The following NSG2 variants were observed in gnomAD, a reference collection of about 807,000 sequenced individuals.
NSG2 encodes the protein neuronal vesicle trafficking associated 2, also known as neuronal vesicle trafficking-associated protein 2.
Under a neutral mutation model 16.9 loss-of-function variants are expected in NSG2, and 4 were observed. The ratio of observed to expected loss-of-function variants is 0.24; its 90% confidence interval spans 0.12 to 0.54. The LOEUF is 0.54. Among genes scored for constraint, NSG2 ranks in the 20% least tolerant of loss-of-function variants. The pLI, the probability that NSG2 is intolerant of heterozygous loss-of-function variation, is 0.95. For missense variants in NSG2, 179 were observed against 221.1 expected, an observed-to-expected ratio of 0.81 and a Z score of 1.21; for synonymous variants, 98 against 88.7, an observed-to-expected ratio of 1.11 and a Z score of -0.59.
At chr5:174,078,969 A>G (rs1760398168) in intron 3 of NSG2, among the ~76,000 whole-genome samples, 1 of 152,104 alleles carries the variant, frequency 6.6e-6, no homozygotes, top group Non-Finnish European at 1.5e-5. Flanking sequence ...GCACACGCAC[A>G]CCCCTTTCAT....
Position 174,072,934 on chromosome 5 carries a change from G to A in NSG2, c.213+8619G>A, listed in dbSNP as rs1299633090. Among the ~76,000 whole-genome samples the A allele has an allele frequency of 1.3e-5, 2 of 152,124 alleles. No homozygotes were observed. Among genetic ancestry groups the A allele is most frequent in the Admixed American group, 6.6e-5 (1 of 15,266 alleles). On this transcript the variant is annotated intron_variant, in intron 3 of 4. Coordinates refer to ENST00000303177, the MANE Select transcript of NSG2 (RefSeq NM_015980.5). The surrounding 1 kb of genome is among the most constrained non-coding windows in gnomAD (Gnocchi z 4.0). Reference sequence around the variant, plus strand: ...TGGGAGGTTGAGGCTGCAGTGAGCCGGATTGTGCCACTGCACTCCAACCTG... The same window carrying A: ...TGGGAGGTTGAGGCTGCAGTGAGCCAGATTGTGCCACTGCACTCCAACCTG...
intron 1 of NSG2, 126 bp from the exon 2 acceptor site, chr5:174,046,608 A>G (rs1759803684): frequency 2.7e-6 from 2 of 741,834 alleles, no homozygotes; most frequent in Admixed American, 2.9e-5. Flanking sequence ...TGGAAGATCA[A>G]TGACTGATCA....
intron 3 of NSG2, among the ~76,000 whole-genome samples, chr5:174,096,032 T>G (rs1178273894): frequency 3.9e-5 from 6 of 152,170 alleles, no homozygotes; most frequent in African/African-American, 1.4e-4. Flanking sequence ...CTTGAGAAAA[T>G]TATGCAACCT....
In NSG2 at chr5:174,060,536, G is replaced by T. The variant is rs117269282; in HGVS notation, c.130-3696G>T. ...TGGGAAGGTGGACTAGTTTTCAATT[G>T]CTGTGTGACAAATTACCAAAAATTA... On this transcript the variant is annotated intron_variant, in intron 2 of 4. Coordinates refer to ENST00000303177, the MANE Select transcript of NSG2 (RefSeq NM_015980.5). Among the ~76,000 whole-genome samples, 1,390 of 152,246 alleles carry T rather than the reference G, an allele frequency of 9.1e-3. 15 individuals are homozygous for T. Among genetic ancestry groups the T allele is most frequent in the East Asian group, 0.062 (321 of 5,186 alleles).
intron 3 of NSG2, among the ~76,000 whole-genome samples, chr5:174,102,590 TAACC>T (rs66663259): frequency 0.11 from 16,470 of 151,960 alleles, 1,120 homozygotes; most frequent in African/African-American, 0.19. Flanking sequence ...CCTCTGAAGT[TAACC>T]AATTACTGGT....
intron 2 of NSG2, among the ~76,000 whole-genome samples, chr5:174,057,457 A>G (rs1030048632): frequency 9.2e-5 from 14 of 151,628 alleles, no homozygotes; most frequent in South Asian, 4.2e-4. Context: ...TGGAAGGGAA[A>G]TGTTTCTGGC....
At chr5:174,082,337 T>C (rs1471411543) in intron 3 of NSG2, 2 of 152,232 alleles carry the variant, frequency 1.3e-5, no homozygotes. Flanking sequence ...AGCTTCTGTT[T>C]ATGTGAATTT....
At chr5:174,070,198 T>A (rs1041642103) in intron 3 of NSG2, among the ~76,000 whole-genome samples, 5 of 152,128 alleles carry the variant, frequency 3.3e-5, no homozygotes, top group Non-Finnish European at 5.9e-5. Context: ...GGTCATTTTT[T>A]TCGTGGGCTA....
In NSG2 at chr5:174,086,251, T is replaced by C. The variant is rs571711556; in HGVS notation, c.214-17977T>C. On this transcript the variant is annotated intron_variant, in intron 3 of 4. Coordinates refer to ENST00000303177, the MANE Select transcript of NSG2 (RefSeq NM_015980.5). ...AACTGACCCCGGGCCAATCACTTTC[T>C]GGAAACTTATTTCCTCTAAAATAGG... 4 of 152,304 alleles carry C rather than the reference T, an allele frequency of 2.6e-5. No individual in the cohort carries two copies. The South Asian group carries it at 8.3e-4, about 32-fold the overall frequency. The allele number at this position is 152,304 out of a possible 1,614,324, so 9.4% of individuals were successfully genotyped here. A position where few individuals can be genotyped will look rare whatever the true frequency, so the allele number is the denominator to read the frequency against.
At chr5:174,090,395 A>G (rs1760703387) in intron 3 of NSG2, among the ~76,000 whole-genome samples, 1 of 152,158 alleles carries the variant, frequency 6.6e-6, no homozygotes, top group Non-Finnish European at 1.5e-5. Context: ...GACTGTCTCC[A>G]GGGTTTTCAC....
At chr5:174,095,345 C>T (rs1010194005) in intron 3 of NSG2, among the ~76,000 whole-genome samples, 1 of 152,178 alleles carries the variant, frequency 6.6e-6, no homozygotes, top group Non-Finnish European at 1.5e-5. Flanking sequence ...TTCAGGGTGT[C>T]AGACATCCAC....
intron 3 of NSG2, among the ~76,000 whole-genome samples, chr5:174,090,560 C>T (rs1760705752): frequency 6.6e-6 from 1 of 152,194 alleles, no homozygotes; most frequent in African/African-American, 2.4e-5. Flanking sequence ...AATCCAGCTT[C>T]CCAGACACCA....
intron 4 of NSG2, among the ~76,000 whole-genome samples, chr5:174,106,583 CTT>C (rs752375646): frequency 4.2e-3 from 395 of 93,176 alleles, no homozygotes; most frequent in African/African-American, 0.016. Context: ...GGAATGAAGC[CTT>C]TTTTTTTTTT....
At chr5:174,091,646 TGTGTGTG>T (rs1195603498) in intron 3 of NSG2, among the ~76,000 whole-genome samples, 3 of 9,032 alleles carry the variant, frequency 3.3e-4, no homozygotes, top group African/African-American at 6.8e-4. Context: ...CTAGGACTGG[TGTGTGTG>T]TGTGTGTGTG....
intron 4 of NSG2, among the ~76,000 whole-genome samples, chr5:174,105,566 G>T (rs1360878415): frequency 1.3e-5 from 2 of 152,176 alleles, no homozygotes; most frequent in Non-Finnish European, 2.9e-5. Context: ...CGAACGTGGA[G>T]GTTTCTCCGC....
chr5:174,089,276 A>C (rs1390405442), intron 3 of NSG2, among the ~76,000 whole-genome samples: 2 of 152,172 alleles, frequency 1.3e-5, no homozygotes, highest in Non-Finnish European at 2.9e-5. Flanking sequence ...TGGGGTCCTC[A>C]ATGAATTTAC....
Position 174,108,275 on chromosome 5 carries a change from T to C in NSG2, c.*770T>C. 6.5e-6 allele frequency: 1 copy of C among 154,942 alleles called. No individual in the cohort carries two copies. Among genetic ancestry groups the C allele is most frequent in the Non-Finnish European group, 1.4e-5 (1 of 69,638 alleles). The allele number at this position is 154,942 out of a possible 1,614,324, so 9.6% of individuals were successfully genotyped here. A position where few individuals can be genotyped will look rare whatever the true frequency, so the allele number is the denominator to read the frequency against. ...AGATTTTCTTTGTCTTTTGCTTGCATTTTCTAGATCCACACCTGGATACTG... is the reference window on the plus strand; with the variant it reads ...AGATTTTCTTTGTCTTTTGCTTGCACTTTCTAGATCCACACCTGGATACTG... On this transcript the variant is annotated 3_prime_UTR_variant, in exon 5 of 5. Coordinates refer to ENST00000303177, the MANE Select transcript of NSG2 (RefSeq NM_015980.5).
intron 3 of NSG2, among the ~76,000 whole-genome samples, chr5:174,090,262 T>A (rs1760701246): frequency 6.6e-6 from 1 of 152,140 alleles, no homozygotes; most frequent in Admixed American, 6.5e-5. Flanking sequence ...TGAGGCAACG[T>A]CGAGGGGAAA....
intron 3 of NSG2, among the ~76,000 whole-genome samples, chr5:174,085,371 T>C (rs1489381165): frequency 6.6e-6 from 1 of 151,956 alleles, no homozygotes; most frequent in African/African-American, 2.4e-5. Context: ...CCTAGTTTGA[T>C]GGTAAGGCCT....
Sources: allele counts gnomAD v4.1 joint callset (sites outside exome capture counted in the v4.1 genomes callset), GRCh38; gene constraint gnomAD v4.1.1; non-coding constraint Gnocchi (gnomAD v3.1); transcripts MANE v1.5; gene names NCBI Gene and HGNC (gene_info 2026-07-23, HGNC 2026-07-21).